Variants in ARFGEF3 observed in about 807,000 individuals in gnomAD.
The protein encoded by ARFGEF3 is ARFGEF family member 3.
ARFGEF3 carries 96 observed loss-of-function variants against 221.7 expected under a neutral mutation model. The observed-to-expected ratio is 0.43, with a 90% CI of 0.37 to 0.51. The LOEUF (loss-of-function observed/expected upper bound fraction) is 0.51, where lower values mean the gene tolerates loss of function less well. Among genes scored for constraint, ARFGEF3 ranks in the 20% least tolerant of loss-of-function variants. The pLI, the probability that ARFGEF3 is intolerant of heterozygous loss-of-function variation, is 0.00. For synonymous variants in ARFGEF3, 1,145 were observed against 1,126.8 expected (o/e 1.02, Z -0.32); for missense variants, 2,410 against 2,789.9 (o/e 0.86, Z 3.07).
intron 2 of ARFGEF3, among the ~76,000 whole-genome samples, chr6:138,185,302 CT>C (rs1777161233): frequency 6.6e-6 from 1 of 152,156 alleles, no homozygotes; most frequent in Non-Finnish European, 1.5e-5. Context: ...AAAGGGCCTC[CT>C]GGCTGTGTTA....
chr6:138,292,766 C>G (rs1347502036), intron 19 of ARFGEF3, among the ~76,000 whole-genome samples: 1 of 152,208 alleles, frequency 6.6e-6, no homozygotes, highest in Non-Finnish European at 1.5e-5. Flanking sequence ...TTTGCACTCC[C>G]CAGCTGCCGG....
intron 12 of ARFGEF3, among the ~76,000 whole-genome samples, chr6:138,275,219 T>C (rs1779075543): frequency 6.6e-6 from 1 of 152,180 alleles, no homozygotes; most frequent in African/African-American, 2.4e-5. Flanking sequence ...AACATCAAAA[T>C]TTCTGCAGTT....
chr6:138,224,112 A>T (rs1014178008), intron 4 of ARFGEF3, among the ~76,000 whole-genome samples: 4 of 152,178 alleles, frequency 2.6e-5, no homozygotes, highest in African/African-American at 9.7e-5. Flanking sequence ...TTTACTCCTG[A>T]ATCCCCTGGA....
Position 138,334,241 on chromosome 6 carries a change from G to T in ARFGEF3, c.5395G>T (p.Gly1799Cys). ...GAAGTGCCTGCTGAAGAAAGTGTCT[G>T]GCATCGGGGGCGCCGCCAACCTCTA... ...GLKCLLKKVS[G>C]IGGAANLYRQ... The change falls in exon 33 of 34, where the codon GGC (glycine) becomes TGC (cysteine). Residue 1799 changes from glycine (G) to cysteine (C), a missense_variant. Transcript: ENST00000251691. The surrounding 1 kb of genome is among the most constrained non-coding windows in gnomAD (Gnocchi z 5.1). 6.2e-7 allele frequency: 1 copy of T among 1,613,700 alleles called. No homozygotes were observed. The highest frequency in any genetic ancestry group is 8.5e-7 in the Non-Finnish European group (1 of 1,179,808).
Position 138,298,642 on chromosome 6 carries a change from G to A in ARFGEF3, c.3685G>A (p.Ala1229Thr). ...CHKERHVSQK[A>T]VSFIHDILTE... The stretch of plus-strand genomic sequence containing the variant: ...TAAGGAAAGACATGTGTCTCAGAAG[G>A]CTGTTTCCTTCATCCATGACATACT... Residue 1229 changes from alanine to threonine, a missense_variant, in exon 22 of 34, where the codon GCT becomes ACT. This residue lies in a region of ARFGEF3 where 723 missense variants were observed against 991.9 expected (regional missense o/e 0.73). Transcript: ENST00000251691. The A allele has an allele frequency of 1.9e-6, 3 of 1,613,284 alleles. No homozygotes were observed. The highest frequency in any genetic ancestry group is 2.5e-6 in the Non-Finnish European group (3 of 1,179,630).
intron 27 of ARFGEF3, among the ~76,000 whole-genome samples, 167 bp from the exon 28 acceptor site, chr6:138,319,536 A>G (rs1779986274): frequency 6.6e-6 from 1 of 152,160 alleles, no homozygotes; most frequent in South Asian, 2.1e-4. Context: ...AAAAAAAAGG[A>G]AAAATGCCAC....
intron 19 of ARFGEF3, 126 bp from the exon 20 acceptor site, chr6:138,293,867 A>G (rs1428442661): frequency 1.2e-6 from 1 of 858,972 alleles, no homozygotes; most frequent in Non-Finnish European, 1.8e-6. Context: ...ATAATACCAT[A>G]CATTTGTCTA....
chr6:138,278,755 C>A, intron 13 of ARFGEF3, 138 bp downstream of exon 13: 1 of 832,916 alleles, frequency 1.2e-6, no homozygotes, highest in Non-Finnish European at 1.8e-6. Context: ...GCCAGTGGGA[C>A]TTTGGGGGAT....
intron 25 of ARFGEF3, among the ~76,000 whole-genome samples, chr6:138,312,602 T>A (rs1161398119): frequency 6.6e-6 from 1 of 152,134 alleles, no homozygotes. Flanking sequence ...GCTGGGACTC[T>A]CTCCCCAGAT....
intron 4 of ARFGEF3, chr6:138,218,003 A>G: frequency 6.2e-7 from 1 of 1,611,608 alleles, no homozygotes; most frequent in South Asian, 1.1e-5. Context: ...TGATCTGTGG[A>G]TGTATAGTTT....
chr6:138,238,361 T>C (rs753642060), intron 5 of ARFGEF3, 148 bp from the exon 6 acceptor site: 1 of 623,326 alleles, frequency 1.6e-6, no homozygotes, highest in Non-Finnish European at 2.5e-6. Context: ...TTAAAATATA[T>C]TTAGTTATAT....
intron 6 of ARFGEF3, among the ~76,000 whole-genome samples, chr6:138,242,204 C>A (rs1778404429): frequency 6.6e-6 from 1 of 152,228 alleles, no homozygotes; most frequent in African/African-American, 2.4e-5. Context: ...CATGAAAATA[C>A]TTCCGGATTA....
At chr6:138,326,111 C>T (rs1780122566) in intron 31 of ARFGEF3, among the ~76,000 whole-genome samples, 1 of 152,160 alleles carries the variant, frequency 6.6e-6, no homozygotes, top group Admixed American at 6.5e-5. Context: ...CCCACCTCAG[C>T]CTCCCAAAGT....
At chr6:138,335,515 G>A (rs1181062381) in intron 33 of ARFGEF3, among the ~76,000 whole-genome samples, 2 of 150,834 alleles carry the variant, frequency 1.3e-5, no homozygotes, top group Admixed American at 6.6e-5. Flanking sequence ...TTTTCAGTCT[G>A]GACAACACGG....
chr6:138,292,706 G>A (rs1779435267), intron 19 of ARFGEF3, among the ~76,000 whole-genome samples: 1 of 151,872 alleles, frequency 6.6e-6, no homozygotes, highest in Non-Finnish European at 1.5e-5. Flanking sequence ...AGGAGTGGGA[G>A]GAGCACTCCC....
At chr6:138,320,954 G>C (rs1485629541) in intron 28 of ARFGEF3, among the ~76,000 whole-genome samples, 157 bp from the exon 29 acceptor site, 1 of 148,638 alleles carries the variant, frequency 6.7e-6, no homozygotes, top group Admixed American at 6.7e-5. Context: ...GCGGGGGGGG[G>C]CAGGAGGAGG....
chr6:138,229,763 T>C (rs1385445710), intron 4 of ARFGEF3, 21 bp from the exon 5 acceptor site: 1 of 1,601,008 alleles, frequency 6.2e-7, no homozygotes, highest in African/African-American at 1.3e-5. Context: ...GTCTCTTCTT[T>C]CATCTCTCAC....
intron 2 of ARFGEF3, among the ~76,000 whole-genome samples, chr6:138,181,150 T>C (rs1777071937): frequency 6.6e-6 from 1 of 152,220 alleles, no homozygotes; most frequent in African/African-American, 2.4e-5. Flanking sequence ...TCCTTGTTAA[T>C]AGCTCTGACC....
chr6:138,282,010 A>G (rs1249585463), intron 14 of ARFGEF3, among the ~76,000 whole-genome samples: 1 of 152,130 alleles, frequency 6.6e-6, no homozygotes, highest in Non-Finnish European at 1.5e-5. Context: ...GCTGGAGTAC[A>G]GTGGCGTGAT....
Sources: allele counts gnomAD v4.1 joint callset (sites outside exome capture counted in the v4.1 genomes callset), GRCh38; gene constraint gnomAD v4.1.1; regional missense constraint gnomAD v4.1.1; non-coding constraint Gnocchi (gnomAD v3.1); transcripts MANE v1.5; gene names NCBI Gene and HGNC (gene_info 2026-07-23, HGNC 2026-07-21).